Variants in RALGAPA2 observed in about 807,000 individuals in gnomAD.
RALGAPA2 encodes ral GTPase-activating protein subunit alpha-2.
RALGAPA2 carries 139 observed loss-of-function variants against 230.4 expected under a neutral mutation model. The observed-to-expected ratio is 0.60, with a 90% CI of 0.53 to 0.69. RALGAPA2 has a LOEUF of 0.69. RALGAPA2 is among the 30% of genes least tolerant of loss of function. The pLI is 0.00. For missense variants in RALGAPA2, 2,163 were observed against 2,276.0 expected (o/e 0.95, Z 1.01); for synonymous variants, 847 against 837.8 (o/e 1.01, Z -0.19).
chr20:20,512,579 G>A lies in RALGAPA2; in HGVS notation c.4790C>T (p.Pro1597Leu). 2 of 1,613,814 alleles carry A rather than the reference G, an allele frequency of 1.2e-6. No individual in the cohort carries two copies. Among genetic ancestry groups the A allele is most frequent in the East Asian group, 2.2e-5 (1 of 44,864 alleles). The change falls in exon 32 of 40, where the codon CCC becomes CTC. Residue 1597 changes from proline (P) to leucine (L), a missense_variant. Pro to Leu is a moderately conservative substitution (Grantham distance 98). Transcript: ENST00000202677. ...TSQGQPSPVE[P>L]RGPFYFCRLL... ...CCTGCAGAAATAAAAGGGTCCTCGG[G>A]GCTCCACTGGGGAGGGCTGCCCTTG...
intron 1 of RALGAPA2, among the ~76,000 whole-genome samples, chr20:20,694,143 TAA>T (rs966226495): frequency 7.0e-6 from 1 of 143,694 alleles, no homozygotes; most frequent in South Asian, 2.2e-4. Flanking sequence ...ACCGTAACTT[TAA>T]AAAAAAAAAA....
At position 20,609,388 on chromosome 20, in the gene RALGAPA2, A is replaced by T. The variant is rs559380541; in HGVS notation, c.1800+1927T>A. Among the ~76,000 whole-genome samples the T allele has an allele frequency of 1.1e-4, 17 of 152,234 alleles. No individual in the cohort carries two copies. In the South Asian group the frequency reaches 3.5e-3, roughly 32 times the overall value. ...ACATCAAAATCATTAATAATCATGA[A>T]CTCAAAACTAAGTTTCAGGGAAGTC... On this transcript the variant is annotated intron_variant, in intron 14 of 39. Coordinates refer to ENST00000202677, the MANE Select transcript of RALGAPA2 (RefSeq NM_020343.4).
At chr20:20,423,032 G>C (rs1160534014) in intron 37 of RALGAPA2, among the ~76,000 whole-genome samples, 3 of 152,204 alleles carry the variant, frequency 2.0e-5, no homozygotes, top group African/African-American at 7.2e-5. Flanking sequence ...ATGCCTGAGA[G>C]ATAATGGGGC....
intron 5 of RALGAPA2, among the ~76,000 whole-genome samples, chr20:20,642,633 G>T (rs1248637721): frequency 6.6e-6 from 1 of 152,090 alleles, no homozygotes; most frequent in Non-Finnish European, 1.5e-5. Context: ...ATATAAATAA[G>T]GGTAGTTATA....
rs997700612 is a variant in RALGAPA2 at position 20,398,714 on chromosome 20, G to A, written c.5618-1980C>T. On this transcript the variant is annotated intron_variant, in intron 38 of 39. Coordinates refer to ENST00000202677, the MANE Select transcript of RALGAPA2 (RefSeq NM_020343.4). The surrounding 1 kb of genome is among the most constrained non-coding windows in gnomAD (Gnocchi z 4.5). ...CAGGAGGGACCTGACGTCTGGGGGC[G>A]ATAGGGGAGAGACACAAAGCCTAAC... Among the ~76,000 whole-genome samples, 1 of 152,114 alleles carries A rather than the reference G, an allele frequency of 6.6e-6. No individual in the cohort carries two copies. The highest frequency in any genetic ancestry group is 1.5e-5 in the Non-Finnish European group (1 of 68,022).
At chr20:20,648,620 G>A (rs1326502106) in intron 4 of RALGAPA2, among the ~76,000 whole-genome samples, 1 of 152,060 alleles carries the variant, frequency 6.6e-6, no homozygotes, top group Non-Finnish European at 1.5e-5. Context: ...ATGTGGTCAA[G>A]ACAGAGATCA....
chr20:20,572,964 TC>T lies in RALGAPA2; in HGVS notation c.2811del (p.Ile938SerfsTer5), dbSNP rs1430165068. 5 of 1,602,010 alleles carry T rather than the reference TC, an allele frequency of 3.1e-6. No homozygotes were observed. Among genetic ancestry groups the T allele is most frequent in the Non-Finnish European group, 4.3e-6 (5 of 1,174,034 alleles). On this transcript the variant is annotated frameshift_variant, in exon 21 of 40. Coordinates refer to ENST00000202677, the MANE Select transcript of RALGAPA2 (RefSeq NM_020343.4). LOFTEE classifies it high-confidence loss of function. ...SAAVLWRRVL[G>X]ILGDVNNIQS... ...TGGATGTTATTCACATCTCCGAGGA[TC>T]CCCAAGACCCTTCGCCATAACACAG...
intron 37 of RALGAPA2, among the ~76,000 whole-genome samples, chr20:20,444,006 G>A (rs535228657): frequency 3.9e-5 from 6 of 152,340 alleles, no homozygotes; most frequent in African/African-American, 1.2e-4. Flanking sequence ...GTGGTTAATC[G>A]GCACTGATGC....
chr20:20,490,255 T>G (rs1397157784), intron 36 of RALGAPA2, among the ~76,000 whole-genome samples: 1 of 152,230 alleles, frequency 6.6e-6, no homozygotes, highest in Non-Finnish European at 1.5e-5. Context: ...TAATTAGAAG[T>G]GGCAATGAAT....
chr20:20,572,852 A>G (rs2064690580), intron 21 of RALGAPA2, 23 bp downstream of exon 21: 1 of 1,458,918 alleles, frequency 6.9e-7, no homozygotes, highest in Non-Finnish European at 9.2e-7. Context: ...GATTAGAATA[A>G]AAAGTAACAT....
intron 36 of RALGAPA2, among the ~76,000 whole-genome samples, chr20:20,484,442 A>G (rs2061856051): frequency 6.6e-6 from 1 of 152,080 alleles, no homozygotes. Flanking sequence ...TGCTCAGGAA[A>G]TGGTTCATTG....
At chr20:20,680,665 T>TAA in intron 2 of RALGAPA2, 26 bp downstream of exon 2, 4 of 1,497,202 alleles carry the variant, frequency 2.7e-6, no homozygotes, top group Non-Finnish European at 2.7e-6. Context: ...GAATGTTTTT[T>TAA]AAAAAAAAAC....
chr20:20,418,391 G>A (rs1246790760), intron 37 of RALGAPA2, among the ~76,000 whole-genome samples: 1 of 152,192 alleles, frequency 6.6e-6, no homozygotes, highest in East Asian at 1.9e-4. Context: ...AGAACCTGCT[G>A]CTGGGAGGAA....
At chr20:20,688,998 A>G (rs965497563) in intron 1 of RALGAPA2, among the ~76,000 whole-genome samples, 2 of 152,196 alleles carry the variant, frequency 1.3e-5, no homozygotes, top group African/African-American at 4.8e-5. Context: ...ACATTTTCAA[A>G]AGAATGATGG....
At chr20:20,521,470 A>G (rs2063040433) in intron 30 of RALGAPA2, among the ~76,000 whole-genome samples, 1 of 152,128 alleles carries the variant, frequency 6.6e-6, no homozygotes, top group African/African-American at 2.4e-5. Flanking sequence ...AATGAGCACA[A>G]CAAGCAGAGA....
At chr20:20,471,050 C>T (rs2061528871) in intron 37 of RALGAPA2, 1 of 151,984 alleles carries the variant, frequency 6.6e-6, no homozygotes, top group South Asian at 2.1e-4. Flanking sequence ...AATATTTTTC[C>T]TAATTTCTGT....
intron 31 of RALGAPA2, among the ~76,000 whole-genome samples, chr20:20,520,652 T>C (rs1008048767): frequency 1.2e-4 from 19 of 152,176 alleles, no homozygotes; most frequent in African/African-American, 3.9e-4. Flanking sequence ...TCCTTGAGGA[T>C]AGAAAATGAG....
intron 23 of RALGAPA2, among the ~76,000 whole-genome samples, chr20:20,552,370 G>GC (rs1165187169): frequency 6.6e-6 from 1 of 152,004 alleles, no homozygotes; most frequent in African/African-American, 2.4e-5. Context: ...AATAAAATCT[G>GC]CATATGAAAA....
At chr20:20,524,598 A>G in intron 29 of RALGAPA2, 55 bp from the exon 30 acceptor site, 1 of 1,599,168 alleles carries the variant, frequency 6.3e-7, no homozygotes. Context: ...ACCTCACTAC[A>G]TGTAATAATA....
Sources: gnomAD v4.1 joint callset for allele counts (sites outside exome capture counted in the v4.1 genomes callset) on GRCh38, gnomAD v4.1.1 for gene constraint, Gnocchi (gnomAD v3.1) non-coding constraint, MANE v1.5 for transcripts, NCBI Gene and HGNC (gene_info 2026-07-23, HGNC 2026-07-21) for gene names.